The following SCP2 variants were observed in gnomAD, a reference collection of about 807,000 sequenced individuals.
The protein encoded by SCP2 is sterol carrier protein 2.
A neutral mutation model predicts 71.4 loss-of-function variants in SCP2; 48 were observed. The observed-to-expected ratio is 0.67, with a 90% confidence interval of 0.53 to 0.86. The LOEUF (loss-of-function observed/expected upper bound fraction) is 0.86. Ranked by LOEUF, SCP2 falls within the 40% of genes least tolerant of loss-of-function variation. SCP2 has a pLI of 0.00. For missense variants in SCP2, 560 were observed against 655.6 expected, an observed-to-expected ratio of 0.85 and a Z score of 1.59; for synonymous variants, 220 against 218.1, an observed-to-expected ratio of 1.01 and a Z score of -0.08.
chr1:52,976,187 G>A (rs181015452), intron 7 of SCP2, among the ~76,000 whole-genome samples: 41 of 152,176 alleles, frequency 2.7e-4, no homozygotes, highest in Admixed American at 1.9e-3. Flanking sequence ...AGGAAGCCCC[G>A]CTGAACACCA....
chr1:53,015,080 CTTCTG>C (rs1557609767), intron 12 of SCP2, 37 bp downstream of exon 12: 1 of 1,597,634 alleles, frequency 6.3e-7, no homozygotes, highest in Non-Finnish European at 8.6e-7. Flanking sequence ...TCAGTTAATC[CTTCTG>C]ACTTTTCACA....
At chr1:52,961,688 A>C in intron 6 of SCP2, 59 bp downstream of exon 6, 2 of 1,433,502 alleles carry the variant, frequency 1.4e-6, no homozygotes, top group Non-Finnish European at 2.0e-6. Flanking sequence ...GAGATGAGAA[A>C]TGACAGTTAT....
intron 6 of SCP2, among the ~76,000 whole-genome samples, chr1:52,969,570 C>T (rs1472440948): frequency 6.6e-6 from 1 of 152,038 alleles, no homozygotes; most frequent in African/African-American, 2.4e-5. Context: ...ACCTGTAATC[C>T]CAGCACTTTG....
At chr1:53,018,110 C>T (rs923222562) in intron 12 of SCP2, among the ~76,000 whole-genome samples, 1 of 152,198 alleles carries the variant, frequency 6.6e-6, no homozygotes, top group African/African-American at 2.4e-5. Context: ...CTGCCTCTGC[C>T]TCCCAAAGTG....
At chr1:52,939,527 C>A (rs1283436466) in intron 1 of SCP2, among the ~76,000 whole-genome samples, 4 of 152,146 alleles carry the variant, frequency 2.6e-5, no homozygotes, top group African/African-American at 9.7e-5. Flanking sequence ...GCCTGGGCAA[C>A]AGAGTGAGAC....
chr1:52,994,033 G>C (rs1006148045), intron 11 of SCP2: 3 of 1,179,224 alleles, frequency 2.5e-6, no homozygotes, highest in African/African-American at 3.2e-5. Context: ...CACCCTCAAG[G>C]TACCGTATCT....
At chr1:53,002,866 A>G (rs74547355) in intron 11 of SCP2, among the ~76,000 whole-genome samples, 1 of 152,212 alleles carries the variant, frequency 6.6e-6, no homozygotes, top group African/African-American at 2.4e-5. Flanking sequence ...AAATCAAACC[A>G]TGGCTTATCT....
At chr1:53,012,130 T>G (rs1661023793) in intron 11 of SCP2, among the ~76,000 whole-genome samples, 2 of 152,174 alleles carry the variant, frequency 1.3e-5, no homozygotes, top group South Asian at 4.2e-4. Context: ...GTGTAAAAAC[T>G]AGCCATAAAG....
chr1:53,008,008 C>T (rs139311818), intron 11 of SCP2, among the ~76,000 whole-genome samples: 5,634 of 152,006 alleles, frequency 0.037, 209 homozygotes, highest in East Asian at 0.2. Context: ...CACCTCTACT[C>T]AAATAAACTA....
intron 4 of SCP2, among the ~76,000 whole-genome samples, chr1:52,954,029 G>A (rs996320737): frequency 1.3e-5 from 2 of 150,616 alleles, no homozygotes; most frequent in Non-Finnish European, 3.0e-5. Context: ...AACCTTTGTG[G>A]TGCCGGGCAT....
chr1:53,047,195 ATAGGAAG>A (rs1663876494), intron 14 of SCP2, among the ~76,000 whole-genome samples: 2 of 152,180 alleles, frequency 1.3e-5, no homozygotes, highest in Admixed American at 6.5e-5. Context: ...GGCCCTCTCC[ATAGGAAG>A]TCCACAACAT....
intron 6 of SCP2, among the ~76,000 whole-genome samples, chr1:52,963,196 A>G (rs1274475194): frequency 6.6e-6 from 1 of 152,100 alleles, no homozygotes; most frequent in African/African-American, 2.4e-5. Context: ...TGCTTCCTTC[A>G]TAGCACTTAG....
At chr1:52,993,437 A>G (rs1659681785) in intron 11 of SCP2, 15 of 1,614,120 alleles carry the variant, frequency 9.3e-6, no homozygotes, top group Admixed American at 3.3e-5. Flanking sequence ...TTTATTACCA[A>G]TTAAAATCAT....
chr1:52,976,789 A>G lies in SCP2; in HGVS notation c.674+20A>G, dbSNP rs1029550838. 1.3e-5 allele frequency: 16 copies of G among 1,191,300 alleles called. No homozygotes were observed. Among genetic ancestry groups the G allele is most frequent in the Non-Finnish European group, 1.9e-5 (15 of 794,672 alleles). The allele number at this position is 1,191,300 out of a possible 1,614,324, so 73.8% of individuals were successfully genotyped here. A position where few individuals can be genotyped will look rare whatever the true frequency, so the allele number is the denominator to read the frequency against. On this transcript the variant is annotated intron_variant, in intron 8 of 15. Coordinates refer to ENST00000371514, the MANE Select transcript of SCP2 (RefSeq NM_002979.5). ...ATGTTGGTAAGAAAAATATATTTTAACATTTAATGAGGGAAGTAACTGCTG... is the reference window on the plus strand; with the variant it reads ...ATGTTGGTAAGAAAAATATATTTTAGCATTTAATGAGGGAAGTAACTGCTG...
chr1:52,970,548 T>C (rs140767458), intron 6 of SCP2, among the ~76,000 whole-genome samples: 2,676 of 152,244 alleles, frequency 0.018, 35 homozygotes, highest in Middle Eastern at 0.034. Flanking sequence ...CTTTTTTTTT[T>C]CCTCTCAGAA....
At chr1:53,040,875 A>G (rs1004645973) in intron 14 of SCP2, among the ~76,000 whole-genome samples, 17 of 152,172 alleles carry the variant, frequency 1.1e-4, no homozygotes, top group African/African-American at 3.9e-4. Context: ...AGTTCCTTGA[A>G]GACAGAGCTT....
chr1:53,029,454 G>T (rs2150247759), intron 13 of SCP2, among the ~76,000 whole-genome samples: 1 of 152,128 alleles, frequency 6.6e-6, no homozygotes, highest in East Asian at 1.9e-4. Context: ...TTAGATCTGA[G>T]ACCGTATAAG....
At chr1:52,933,651 C>A (rs780270818) in intron 1 of SCP2, among the ~76,000 whole-genome samples, 42 of 152,074 alleles carry the variant, frequency 2.8e-4, no homozygotes, top group Non-Finnish European at 5.7e-4. Flanking sequence ...TTCTATCAAA[C>A]GTATTTAAGT....
intron 14 of SCP2, among the ~76,000 whole-genome samples, chr1:53,040,382 T>G (rs565581147): frequency 2.0e-5 from 3 of 152,326 alleles, no homozygotes; most frequent in African/African-American, 7.2e-5. Context: ...GGGATTCTCT[T>G]GGTTGGGGGC....
Sources: gnomAD v4.1 joint callset for allele counts (sites outside exome capture counted in the v4.1 genomes callset) on GRCh38, gnomAD v4.1.1 for gene constraint, MANE v1.5 for transcripts, NCBI Gene and HGNC (gene_info 2026-07-23, HGNC 2026-07-21) for gene names.